The following LDHA variants were observed in gnomAD, a reference collection of about 807,000 sequenced individuals.
LDHA encodes lactate dehydrogenase A, also known as L-lactate dehydrogenase A chain.
In LDHA, 10 loss-of-function variants were observed where a neutral mutation model predicts 36.3. That is an observed-to-expected ratio of 0.28 (90% confidence interval 0.17 to 0.47). The LOEUF (loss-of-function observed/expected upper bound fraction) is 0.47. Ranked by LOEUF, LDHA falls within the 20% of genes least tolerant of loss-of-function variation. The pLI, the probability that LDHA is intolerant of heterozygous loss-of-function variation, is 0.99. For synonymous variants in LDHA, 110 were observed against 136.7 expected (o/e 0.80, Z 1.36); for missense variants, 267 against 405.8 (o/e 0.66, Z 2.94).
chr11:18,402,011 C>T (rs1390468044), intron 4 of LDHA, among the ~76,000 whole-genome samples: 1 of 116,858 alleles, frequency 8.6e-6, no homozygotes, highest in Non-Finnish European at 1.7e-5. Context: ...GGCTGGAGTG[C>T]AGTGGTTCGA....
At chr11:18,401,495 T>TTTTTTTTTTTTA (rs398015444) in intron 4 of LDHA, among the ~76,000 whole-genome samples, 1 of 136,122 alleles carries the variant, frequency 7.3e-6, no homozygotes, top group Non-Finnish European at 1.6e-5. Flanking sequence ...TTTTTTTTTT[T>TTTTTTTTTTTTA]GAGACGGAGT....
chr11:18,407,950 T>C lies in LDHA; in HGVS notation c.*669T>C, dbSNP rs1339769202. 2.2e-6 allele frequency: 1 copy of C among 454,124 alleles called. No homozygotes were observed. Among genetic ancestry groups the C allele is most frequent in the Admixed American group, 2.3e-5 (1 of 42,564 alleles). 28.1% of individuals were successfully genotyped at this position (454,124 alleles called of 1,614,324 possible). On this transcript the variant is annotated 3_prime_UTR_variant, in exon 8 of 8. Coordinates refer to ENST00000422447, the MANE Select transcript of LDHA (RefSeq NM_005566.4). ...CTATTCTTGGGCAACCCTGCAACGA[T>C]TTTTTCTAACAGGGATATTATTGAC...
At chr11:18,396,759 T>C in intron 1 of LDHA, 60 bp from the exon 2 acceptor site, 3 of 1,475,646 alleles carry the variant, frequency 2.0e-6, no homozygotes, top group East Asian at 4.6e-5. Context: ...CTTAAAAAAA[T>C]CTCTTGGTTA....
At chr11:18,407,050 A>T in intron 7 of LDHA, 67 bp from the exon 8 acceptor site, 1 of 1,231,886 alleles carries the variant, frequency 8.1e-7, no homozygotes, top group Non-Finnish European at 1.2e-6. Context: ...TAGAGACTGT[A>T]AGTCTTGGGA....
At position 18,407,762 on chromosome 11, in the gene LDHA, A is replaced by G; in HGVS notation, c.*481A>G. On this transcript the variant is annotated 3_prime_UTR_variant, in exon 8 of 8. Transcript: ENST00000422447. ...ATATCAGTAGTGTACATTACCATAT[A>G]ATGTAAAAAGATCTACATACAAACA... 2.2e-6 allele frequency: 1 copy of G among 460,274 alleles called. No individual in the cohort carries two copies. Among genetic ancestry groups the G allele is most frequent in the Non-Finnish European group, 4.3e-6 (1 of 230,974 alleles). 28.5% of individuals were successfully genotyped at this position (460,274 alleles called of 1,614,324 possible).
At chr11:18,400,475 A>G (rs1866447110) in intron 3 of LDHA, 1 of 332,018 alleles carries the variant, frequency 3.0e-6, no homozygotes, top group Non-Finnish European at 5.9e-6. Context: ...ACACACACAC[A>G]CACACACGAA....
intron 1 of LDHA, 150 bp from the exon 2 acceptor site, chr11:18,396,669 A>G (rs1866316169): frequency 1.6e-5 from 22 of 1,377,146 alleles, no homozygotes; most frequent in Non-Finnish European, 1.9e-5. Flanking sequence ...TCTTTTGGCA[A>G]CCATTAGGTT....
chr11:18,396,728 C>T, intron 1 of LDHA, 91 bp from the exon 2 acceptor site: 5 of 1,388,798 alleles, frequency 3.6e-6, no homozygotes, highest in Non-Finnish European at 4.9e-6. Context: ...GTGGCAAATA[C>T]CCCCAAAGGA....
At chr11:18,399,051 T>A in intron 2 of LDHA, 1 of 265,072 alleles carries the variant, frequency 3.8e-6, no homozygotes, top group South Asian at 4.1e-5. Flanking sequence ...CTGGTCAATA[T>A]CACCTAGTTA....
rs200483406 is a variant in LDHA at position 18,405,441 on chromosome 11, T to A, written c.711-8T>A. ...TTCTGCCTTTACCTATGGTTTCCTA[T>A]CATACAGTGCTTATGAGGTGATCAA... On this transcript the variant is annotated splice_region_variant and splice_polypyrimidine_tract_variant and intron_variant, in intron 6 of 7. Transcript: ENST00000422447. 43 of 1,612,782 alleles carry A rather than the reference T, an allele frequency of 2.7e-5. No individual in the cohort carries two copies. Among genetic ancestry groups the A allele is most frequent in the South Asian group, 2.1e-4 (19 of 91,038 alleles).
chr11:18,398,043 C>T (rs1162907632), intron 2 of LDHA, among the ~76,000 whole-genome samples: 2 of 152,118 alleles, frequency 1.3e-5, no homozygotes, highest in East Asian at 3.8e-4. Context: ...TTCCCCACAC[C>T]TACAAACCGC....
chr11:18,401,176 T>G (rs1176473331), intron 4 of LDHA, among the ~76,000 whole-genome samples, 166 bp downstream of exon 4: 1 of 149,786 alleles, frequency 6.7e-6, no homozygotes, highest in Non-Finnish European at 1.5e-5. Context: ...TGAGGCGGAG[T>G]TTTGCTCTTG....
chr11:18,396,199 T>G lies in LDHA; in HGVS notation c.-24-620T>G, dbSNP rs533066527. 8 of 243,544 alleles carry G rather than the reference T, an allele frequency of 3.3e-5. No individual in the cohort carries two copies. The South Asian group carries it at 1.4e-3, about 42-fold the overall frequency. The allele number at this position is 243,544 out of a possible 1,614,324, so 15.1% of individuals were successfully genotyped here. A position where few individuals can be genotyped will look rare whatever the true frequency, so the allele number is the denominator to read the frequency against. ...GCCGGAGGCCGCTAGACTAATCGGC[T>G]TCGCCCTGCGCGCTGTAATGCGCAT... On this transcript the variant is annotated intron_variant, in intron 1 of 7. Coordinates refer to ENST00000422447, the MANE Select transcript of LDHA (RefSeq NM_005566.4).
rs200172020 is a variant in LDHA, at chr11:18,407,555, G to A, written c.*274G>A. ...TGACGCACCACTGCCAATGCTGTAC[G>A]TACTGCATTTGCCCCTTGAGCCAGG... On this transcript the variant is annotated 3_prime_UTR_variant, in exon 8 of 8. Coordinates refer to ENST00000422447, the MANE Select transcript of LDHA (RefSeq NM_005566.4). The A allele has an allele frequency of 6.9e-6, 5 of 719,670 alleles. No individual in the cohort carries two copies. Among genetic ancestry groups the A allele is most frequent in the Middle Eastern group, 3.6e-4 (1 of 2,772 alleles). The allele number at this position is 719,670 out of a possible 1,614,324, so 44.6% of individuals were successfully genotyped here.
At chr11:18,405,044 G>C (rs531131470) in intron 6 of LDHA, among the ~76,000 whole-genome samples, 1 of 151,982 alleles carries the variant, frequency 6.6e-6, no homozygotes, top group Admixed American at 6.6e-5. Context: ...TCCCCCTCAC[G>C]CTCCCACTTG....
rs200774396 is a variant in LDHA at position 18,407,536 on chromosome 11, A to G, written c.*255A>G. On this transcript the variant is annotated 3_prime_UTR_variant, in exon 8 of 8. Coordinates refer to ENST00000422447, the MANE Select transcript of LDHA (RefSeq NM_005566.4). Reference sequence around the variant, plus strand: ...GAAATAGTTCTGCCACCTCTGACGCACCACTGCCAATGCTGTACGTACTGC... The same window carrying G: ...GAAATAGTTCTGCCACCTCTGACGCGCCACTGCCAATGCTGTACGTACTGC... The G allele has an allele frequency of 1.7e-5, 13 of 748,710 alleles. No individual in the cohort carries two copies. The highest frequency in any genetic ancestry group is 8.6e-5 in the African/African-American group (5 of 58,020). 46.4% of individuals were successfully genotyped at this position (748,710 alleles called of 1,614,324 possible). A position where few individuals can be genotyped will look rare whatever the true frequency, so the allele number is the denominator to read the frequency against.
chr11:18,396,619 C>T, intron 1 of LDHA, 200 bp from the exon 2 acceptor site: 1 of 1,402,778 alleles, frequency 7.1e-7, no homozygotes, highest in Non-Finnish European at 9.2e-7. Flanking sequence ...AGGTATGGGC[C>T]TTCACTCTTC....
intron 2 of LDHA, chr11:18,399,134 G>A: frequency 2.6e-6 from 1 of 385,704 alleles, no homozygotes; most frequent in Non-Finnish European, 4.9e-6. Flanking sequence ...TATATAATTG[G>A]AAGTTATTCT....
Position 18,399,441 on chromosome 11 carries a change from A to T in LDHA, c.137A>T (p.Asp46Val), listed in dbSNP as rs201460924. The change falls in exon 3 of 8, where the codon GAT (aspartate) becomes GTT (valine). Residue 46 changes from aspartate to valine, a missense_variant. Physicochemically the swap from Asp to Val is radical, Grantham distance 152. Transcript: ENST00000422447. ...TTTGATGTCTTTTAGGACTTGGCAGATGAACTTGCTCTTGTTGATGTCATC... is the reference window on the plus strand; with the variant it reads ...TTTGATGTCTTTTAGGACTTGGCAGTTGAACTTGCTCTTGTTGATGTCATC... ...AISILMKDLA[D>V]ELALVDVIED... 6.1e-5 allele frequency: 99 copies of T among 1,610,436 alleles called. No homozygotes were observed. The highest frequency in any genetic ancestry group is 8.1e-5 in the Non-Finnish European group (95 of 1,177,140).
Sources: allele counts gnomAD v4.1 joint callset (sites outside exome capture counted in the v4.1 genomes callset), GRCh38; gene constraint gnomAD v4.1.1; transcripts MANE v1.5; gene names NCBI Gene and HGNC (gene_info 2026-07-23, HGNC 2026-07-21).